SIPA1L3: variants seen among roughly 807,000 people sequenced by gnomAD.
SIPA1L3 encodes signal induced proliferation associated 1 like 3.
A neutral mutation model predicts 150.1 loss-of-function variants in SIPA1L3; 59 were observed. The ratio of observed to expected loss-of-function variants is 0.39; its 90% CI spans 0.32 to 0.49. The LOEUF is 0.49. Ranked by LOEUF, SIPA1L3 falls within the 20% of genes least tolerant of loss-of-function variation. The pLI is 0.86. For synonymous variants in SIPA1L3, 1,070 were observed against 1,077.6 expected, an observed-to-expected ratio of 0.99 and a Z score of 0.14; for missense variants, 2,211 against 2,489.5, an observed-to-expected ratio of 0.89 and a Z score of 2.38.
At chr19:38,087,065 G>A (rs537138376) in intron 3 of SIPA1L3, among the ~76,000 whole-genome samples, 7 of 152,298 alleles carry the variant, frequency 4.6e-5, no homozygotes, top group East Asian at 1.9e-4. Context: ...CTGACTTAGC[G>A]CAGGGTTCTT....
At chr19:38,150,740 C>T (rs1971803849) in intron 12 of SIPA1L3, among the ~76,000 whole-genome samples, 1 of 151,946 alleles carries the variant, frequency 6.6e-6, no homozygotes, top group Non-Finnish European at 1.5e-5. Flanking sequence ...GGGGTTTTGC[C>T]ATGTTGGCCA....
At chr19:38,083,992 CAAA>C (rs748446835) in intron 3 of SIPA1L3, among the ~76,000 whole-genome samples, 11 of 71,478 alleles carry the variant, frequency 1.5e-4, no homozygotes, top group Admixed American at 1.5e-4. Context: ...GACTCTGTCT[CAAA>C]AAAAAAAAAA....
At chr19:38,149,599 C>A (rs1600137897) in intron 12 of SIPA1L3, among the ~76,000 whole-genome samples, 1 of 152,136 alleles carries the variant, frequency 6.6e-6, no homozygotes, top group Non-Finnish European at 1.5e-5. Flanking sequence ...GGAAACCAGG[C>A]CCCCCCTCCT....
intron 15 of SIPA1L3, among the ~76,000 whole-genome samples, chr19:38,177,357 T>A (rs1304879504): frequency 3.6e-5 from 4 of 110,252 alleles, no homozygotes; most frequent in Non-Finnish European, 5.6e-5. Context: ...CAAGACTCCA[T>A]CTCAAAAAAA....
intron 16 of SIPA1L3, chr19:38,185,402 C>T (rs332839): frequency 0.36 from 55,247 of 152,012 alleles, 11,764 homozygotes; most frequent in Middle Eastern, 0.57. Context: ...TTACCCTCCT[C>T]AACAATCACC....
intron 1 of SIPA1L3, among the ~76,000 whole-genome samples, chr19:37,975,814 TG>T (rs987541862): frequency 2.0e-5 from 3 of 151,830 alleles, no homozygotes; most frequent in Non-Finnish European, 4.4e-5. Context: ...CATTCAGAAA[TG>T]GGGGGTTGGC....
chr19:38,082,466 A>G lies in SIPA1L3; in HGVS notation c.901A>G (p.Ile301Val). The G allele has an allele frequency of 1.3e-6, 2 of 1,590,100 alleles. No individual in the cohort carries two copies. The highest frequency in any genetic ancestry group is 2.3e-5 in the East Asian group (1 of 44,444). ...CGGCGGGGACACGGTGGACTCGTCC[A>G]TCTTTCGGAAGCTAAGGAGCAGCAA... is the stretch of plus-strand genomic sequence containing the variant. The part of the protein sequence containing the change: ...LGGGDTVDSS[I>V]FRKLRSSKPE... Residue 301 changes from isoleucine to valine, a missense_variant, in exon 3 of 22, where the codon ATC becomes GTC. Around this residue, in one of 5 missense-constraint regions of SIPA1L3, gnomAD observed 587 missense variants for 534.5 expected, o/e 1.10. Coordinates refer to ENST00000222345, the MANE Select transcript of SIPA1L3 (RefSeq NM_015073.3).
chr19:37,939,390 A>T (rs1340386611), intron 1 of SIPA1L3, among the ~76,000 whole-genome samples: 1 of 128,932 alleles, frequency 7.8e-6, no homozygotes, highest in Non-Finnish European at 1.6e-5. Context: ...ACAGAGTGAG[A>T]CTCCATGTCA....
intron 19 of SIPA1L3, among the ~76,000 whole-genome samples, chr19:38,199,214 G>C (rs1252291897): frequency 1.3e-5 from 2 of 152,210 alleles, no homozygotes; most frequent in Non-Finnish European, 2.9e-5. Flanking sequence ...CCAGGCAGCT[G>C]TGGCATCTCC....
At chr19:38,139,298 G>C (rs1971518298) in intron 10 of SIPA1L3, among the ~76,000 whole-genome samples, 1 of 152,194 alleles carries the variant, frequency 6.6e-6, no homozygotes, top group Non-Finnish European at 1.5e-5. Flanking sequence ...CTTGGAGAAA[G>C]CTTCTAATTG....
intron 1 of SIPA1L3, among the ~76,000 whole-genome samples, chr19:38,020,276 G>C (rs964423814): frequency 6.6e-6 from 1 of 152,072 alleles, no homozygotes; most frequent in Non-Finnish European, 1.5e-5. Context: ...GTAAGTCACC[G>C]TAGACTTTCT....
At chr19:38,026,209 G>A (rs1194428549) in intron 1 of SIPA1L3, among the ~76,000 whole-genome samples, 2 of 152,182 alleles carry the variant, frequency 1.3e-5, no homozygotes, top group African/African-American at 4.8e-5. Context: ...GCATTCTTCT[G>A]TGCTGATTTT....
Position 38,140,405 on chromosome 19 carries a change from T to G in SIPA1L3, c.3144-779T>G, listed in dbSNP as rs796462821. On this transcript the variant is annotated intron_variant, in intron 10 of 21. Transcript: ENST00000222345. ...GGTTGTAGATTTCATGGCTTTTTTT[T>G]TTTTTTTTAACCACCCCACAAAGTA... Among the ~76,000 whole-genome samples the G allele has an allele frequency of 2.0e-5, 3 of 152,222 alleles. No homozygotes were observed. In the South Asian group the frequency reaches 6.2e-4, roughly 32 times the overall value.
rs1969098529 is a variant in SIPA1L3, at chr19:38,047,946, C to T, written c.-311+18790C>T. Among the ~76,000 whole-genome samples, 1 of 152,176 alleles carries T rather than the reference C, an allele frequency of 6.6e-6. No homozygotes were observed. The highest frequency in any genetic ancestry group is 1.9e-4 in the East Asian group (1 of 5,198). Reference sequence around the variant, plus strand: ...CAACATGGGAAACCGGCGGTAACTCCACTGTGGTAAAGGATGTGAGGGAAA... The same window carrying T: ...CAACATGGGAAACCGGCGGTAACTCTACTGTGGTAAAGGATGTGAGGGAAA... On this transcript the variant is annotated intron_variant, in intron 2 of 21. Transcript: ENST00000222345. The surrounding 1 kb of genome is among the most constrained non-coding windows in gnomAD (Gnocchi z 4.7).
intron 9 of SIPA1L3, among the ~76,000 whole-genome samples, chr19:38,122,746 G>A (rs765259914): frequency 2.6e-5 from 4 of 152,160 alleles, no homozygotes; most frequent in Non-Finnish European, 5.9e-5. Context: ...GGTTTCATGC[G>A]CATGCTAGGG....
intron 12 of SIPA1L3, among the ~76,000 whole-genome samples, chr19:38,142,932 AATTTTG>A (rs1314875350): frequency 5.9e-5 from 9 of 152,240 alleles, no homozygotes; most frequent in African/African-American, 2.2e-4. Context: ...CTTGCAGCAG[AATTTTG>A]ATTGCTGTTC....
rs111603913 is a variant in SIPA1L3 at position 38,041,221 on chromosome 19, C to T, written c.-311+12065C>T. On this transcript the variant is annotated intron_variant, in intron 2 of 21. Transcript: ENST00000222345. ...TCCAAAGTTCAAGCAATTCTCCTGC[C>T]TCAGCCTCCTCAGTAGCTGGGATTA... Among the ~76,000 whole-genome samples, 416 of 150,622 alleles carry T rather than the reference C, an allele frequency of 2.8e-3. 7 individuals carry two copies. The highest frequency in any genetic ancestry group is 9.6e-3 in the African/African-American group (395 of 40,960).
chr19:37,941,201 C>T (rs1410997047), intron 1 of SIPA1L3, among the ~76,000 whole-genome samples: 2 of 151,936 alleles, frequency 1.3e-5, no homozygotes, highest in Admixed American at 6.6e-5. Flanking sequence ...AAGCTGGGGG[C>T]CCCTTTCTGT....
intron 3 of SIPA1L3, 54 bp downstream of exon 3, chr19:38,083,153 G>C: frequency 1.3e-6 from 2 of 1,488,890 alleles, no homozygotes; most frequent in Non-Finnish European, 1.8e-6. Flanking sequence ...TTGCCTCCGA[G>C]ACCCCCACTA....
Sources: gnomAD v4.1 joint callset for allele counts (sites outside exome capture counted in the v4.1 genomes callset) on GRCh38, gnomAD v4.1.1 for gene constraint, gnomAD v4.1.1 regional missense constraint, Gnocchi (gnomAD v3.1) non-coding constraint, MANE v1.5 for transcripts, NCBI Gene and HGNC (gene_info 2026-07-23, HGNC 2026-07-21) for gene names.